The following SYDE2 variants were observed in gnomAD, a reference collection of about 807,000 sequenced individuals.
SYDE2 encodes rho GTPase-activating protein SYDE2.
Under a neutral mutation model 91.5 loss-of-function variants are expected in SYDE2, and 76 were observed. The observed-to-expected ratio is 0.83, with a 90% CI of 0.69 to 1.01. SYDE2 has a LOEUF of 1.01. SYDE2 is among the 50% of genes least tolerant of loss of function. The probability of loss-of-function intolerance (pLI) is 0.00; values close to 1 mark genes in which losing one functional copy is unlikely to be tolerated. For missense variants in SYDE2, 1,364 were observed against 1,367.7 expected, an observed-to-expected ratio of 1.00 and a Z score of 0.04; for synonymous variants, 513 against 506.4, an observed-to-expected ratio of 1.01 and a Z score of -0.18.
chr1:85,174,035 G>C (rs373819536), intron 4 of SYDE2, among the ~76,000 whole-genome samples: 5 of 147,396 alleles, frequency 3.4e-5, no homozygotes, highest in Non-Finnish European at 6.0e-5. Context: ...AAAATGAAAC[G>C]AAGTATGGAA....
chr1:85,165,103 G>A lies in SYDE2; in HGVS notation c.2854-346C>T, dbSNP rs559503450. 3.9e-5 allele frequency among the ~76,000 whole-genome samples: 6 copies of A among 152,100 alleles called. No individual in the cohort carries two copies. The South Asian group carries it at 1.0e-3, about 26-fold the overall frequency. ...AGAAAAATTAGCCGGGCATGATGGC[G>A]GGTGCCTACGATCCCGGCTACTCGG... is the stretch of plus-strand genomic sequence containing the variant. On this transcript the variant is annotated intron_variant, in intron 5 of 6. Coordinates refer to ENST00000341460, the MANE Select transcript of SYDE2 (RefSeq NM_032184.2).
chr1:85,167,691 T>C (rs1169615444), intron 5 of SYDE2, among the ~76,000 whole-genome samples: 1 of 152,226 alleles, frequency 6.6e-6, no homozygotes, highest in Non-Finnish European at 1.5e-5. Context: ...AGGATGGTAA[T>C]AGCATGGGCC....
At chr1:85,154,984 A>C (rs1656843606), downstream of SYDE2, among the ~76,000 whole-genome samples, 2 of 151,028 alleles carry the variant, frequency 1.3e-5, no homozygotes, top group African/African-American at 4.9e-5. Context: ...GCAAACAGAA[A>C]AGACAAATTC....
chr1:85,198,575 T>C (rs1570283484), intron 1 of SYDE2, among the ~76,000 whole-genome samples: 1 of 152,332 alleles, frequency 6.6e-6, no homozygotes, highest in East Asian at 1.9e-4. Context: ...TGTTTCATTT[T>C]AATTTCTAAG....
intron 2 of SYDE2, among the ~76,000 whole-genome samples, chr1:85,184,120 C>G (rs1394296072): frequency 6.6e-6 from 1 of 151,854 alleles, no homozygotes; most frequent in Non-Finnish European, 1.5e-5. Context: ...AAAGAAGGTA[C>G]AAAATAAAAA....
At chr1:85,183,223 A>G (rs1658005657) in intron 2 of SYDE2, 23 bp from the exon 3 acceptor site, 1 of 1,509,518 alleles carries the variant, frequency 6.6e-7, no homozygotes, top group Non-Finnish European at 8.8e-7. Flanking sequence ...AAAGAAAAAT[A>G]CGTTATAAAG....
intron 4 of SYDE2, among the ~76,000 whole-genome samples, chr1:85,173,091 C>T (rs764111984): frequency 6.6e-6 from 1 of 152,090 alleles, no homozygotes; most frequent in Non-Finnish European, 1.5e-5. Context: ...GTCTGAACTC[C>T]TAGTACCTCA....
chr1:85,194,949 A>C lies in SYDE2; in HGVS notation c.746-4197T>G, dbSNP rs191828776. Reference sequence around the variant, plus strand: ...GCCAAGGCGGGCGGATCACGAGGTCAGGAGATCGAGACCATCCTGGCTAAC... The same window carrying C: ...GCCAAGGCGGGCGGATCACGAGGTCCGGAGATCGAGACCATCCTGGCTAAC... On this transcript the variant is annotated intron_variant, in intron 1 of 6. Transcript: ENST00000341460. 3.4e-3 allele frequency: 1,306 copies of C among 387,006 alleles called. 15 individuals are homozygous for C. Among genetic ancestry groups the C allele is most frequent in the African/African-American group, 0.027 (1,240 of 45,812 alleles). The allele number at this position is 387,006 out of a possible 1,614,324, so 24.0% of individuals were successfully genotyped here. A position where few individuals can be genotyped will look rare whatever the true frequency, so the allele number is the denominator to read the frequency against.
chr1:85,162,201 A>C (rs1330066030), intron 6 of SYDE2, among the ~76,000 whole-genome samples: 1 of 152,230 alleles, frequency 6.6e-6, no homozygotes, highest in Non-Finnish European at 1.5e-5. Flanking sequence ...TAGAAAATAA[A>C]AAATAAGGGG....
At chr1:85,197,746 C>G (rs1040167829) in intron 1 of SYDE2, among the ~76,000 whole-genome samples, 1 of 152,102 alleles carries the variant, frequency 6.6e-6, no homozygotes, top group African/African-American at 2.4e-5. Flanking sequence ...GCTCCGCCTC[C>G]CAGGTTCACG....
In SYDE2 at chr1:85,179,622, A is replaced by G. The variant is rs542116443; in HGVS notation, c.2545-1350T>C. ...TGATCCACATTCATGATGCATTCACATTGAGAATGGAATGAGTTATGCTGA... is the reference window on the plus strand; with the variant it reads ...TGATCCACATTCATGATGCATTCACGTTGAGAATGGAATGAGTTATGCTGA... On this transcript the variant is annotated intron_variant, in intron 3 of 6. Coordinates refer to ENST00000341460, the MANE Select transcript of SYDE2 (RefSeq NM_032184.2). 2.6e-5 allele frequency among the ~76,000 whole-genome samples: 4 copies of G among 152,328 alleles called. No homozygotes were observed. The South Asian group carries it at 8.3e-4, about 32-fold the overall frequency.
chr1:85,182,502 C>T lies in SYDE2; in HGVS notation c.2140G>A (p.Ala714Thr). 6.2e-7 allele frequency: 1 copy of T among 1,613,798 alleles called. No individual in the cohort carries two copies. Among genetic ancestry groups the T allele is most frequent in the South Asian group, 1.1e-5 (1 of 91,060 alleles). Reference protein sequence around the residue: ...CAIQVDSVNKARTALLTCRTT... With the variant: ...CAIQVDSVNKTRTALLTCRTT... ...CGGCATGTGAGCAAAGCTGTTCTTG[C>T]TTTGTTTACTGAATCTACCTGAATT... The change falls in exon 3 of 7, where the codon GCA becomes ACA. Residue 714 changes from alanine to threonine, a missense_variant. Transcript: ENST00000341460.
At chr1:85,200,184 AAG>A in intron 1 of SYDE2, 66 bp downstream of exon 1, 1 of 1,605,816 alleles carries the variant, frequency 6.2e-7, no homozygotes, top group Non-Finnish European at 8.5e-7. Context: ...CTTGGCTCTT[AAG>A]ACAGAAGCCC....
chr1:85,174,065 A>T (rs922995911), intron 4 of SYDE2, among the ~76,000 whole-genome samples: 3 of 152,112 alleles, frequency 2.0e-5, no homozygotes, highest in African/African-American at 7.2e-5. Context: ...AAAAAAATAC[A>T]TTATCAGTGA....
chr1:85,197,755 C>T (rs897603701), intron 1 of SYDE2, among the ~76,000 whole-genome samples: 6 of 152,042 alleles, frequency 3.9e-5, no homozygotes, highest in Non-Finnish European at 7.4e-5. Flanking sequence ...CCCAGGTTCA[C>T]GCCATTCTCC....
intron 1 of SYDE2, among the ~76,000 whole-genome samples, chr1:85,196,223 T>C (rs1051725402): frequency 6.6e-6 from 1 of 152,152 alleles, no homozygotes; most frequent in African/African-American, 2.4e-5. Flanking sequence ...CAGAATAAGG[T>C]AGAATTTTTT....
chr1:85,190,764 A>T lies in SYDE2; in HGVS notation c.746-12T>A. On this transcript the variant is annotated splice_polypyrimidine_tract_variant and intron_variant, in intron 1 of 6. Coordinates refer to ENST00000341460, the MANE Select transcript of SYDE2 (RefSeq NM_032184.2). ...ATTTTCAAATAAATCTGTTGCAAAG[A>T]TAGAATAGAAGGTAGAATATAATGG... 6.3e-7 allele frequency: 1 copy of T among 1,575,964 alleles called. No homozygotes were observed. The highest frequency in any genetic ancestry group is 8.6e-7 in the Non-Finnish European group (1 of 1,161,366).
intron 5 of SYDE2, among the ~76,000 whole-genome samples, chr1:85,165,163 G>C (rs984347620): frequency 3.3e-5 from 5 of 152,202 alleles, no homozygotes; most frequent in Non-Finnish European, 7.3e-5. Context: ...GAACCCAGGA[G>C]ATGGTGGTTG....
At chr1:85,184,783 G>A (rs1334127645) in intron 2 of SYDE2, among the ~76,000 whole-genome samples, 1 of 151,794 alleles carries the variant, frequency 6.6e-6, no homozygotes, top group Non-Finnish European at 1.5e-5. Context: ...GACTGCTTGA[G>A]CTGGGAAGGT....
Sources: allele counts gnomAD v4.1 joint callset (sites outside exome capture counted in the v4.1 genomes callset), GRCh38; gene constraint gnomAD v4.1.1; transcripts MANE v1.5; gene names NCBI Gene and HGNC (gene_info 2026-07-23, HGNC 2026-07-21).